SLC25A13: variants seen among roughly 807,000 people sequenced by gnomAD.
SLC25A13 encodes solute carrier family 25 member 13.
In SLC25A13, 70 loss-of-function variants were observed where a neutral mutation model predicts 85.5. That is an observed-to-expected ratio of 0.82 (90% CI 0.68 to 1.00). SLC25A13 has a LOEUF of 1.00. SLC25A13 is among the 50% of genes least tolerant of loss of function. SLC25A13 has a pLI of 0.00. For synonymous variants in SLC25A13, 259 were observed against 288.7 expected, an observed-to-expected ratio of 0.90 and a Z score of 1.04; for missense variants, 765 against 819.8, an observed-to-expected ratio of 0.93 and a Z score of 0.82.
intron 13 of SLC25A13, among the ~76,000 whole-genome samples, chr7:96,151,869 C>T (rs60155900): frequency 0.015 from 2,231 of 152,078 alleles, 55 homozygotes; most frequent in African/African-American, 0.051. Flanking sequence ...CACTTGATCC[C>T]GGGCAGCGGA....
intron 13 of SLC25A13, among the ~76,000 whole-genome samples, chr7:96,156,750 T>C (rs1315582881): frequency 6.6e-6 from 1 of 152,108 alleles, no homozygotes; most frequent in Non-Finnish European, 1.5e-5. Context: ...TTTCACCATG[T>C]TGGCCAGGCT....
At chr7:96,256,009 A>G (rs1305243492) in intron 3 of SLC25A13, among the ~76,000 whole-genome samples, 2 of 152,210 alleles carry the variant, frequency 1.3e-5, no homozygotes, top group African/African-American at 4.8e-5. Flanking sequence ...AAAATACTTT[A>G]CAGACAAGCA....
At chr7:96,221,316 C>T (rs1796120876) in intron 4 of SLC25A13, among the ~76,000 whole-genome samples, 1 of 152,188 alleles carries the variant, frequency 6.6e-6, no homozygotes, top group Non-Finnish European at 1.5e-5. Flanking sequence ...GAAATTCTTA[C>T]TCTCTATTTG....
At position 96,270,921 on chromosome 7, in the gene SLC25A13, C is replaced by G. The variant is rs574937223; in HGVS notation, c.212+6275G>C. ...CGGTTTATGGCTGCAACGCTCCAACCTCTACTTCTGTGGTCACCCCGTCTC... is the reference window on the plus strand; with the variant it reads ...CGGTTTATGGCTGCAACGCTCCAACGTCTACTTCTGTGGTCACCCCGTCTC... On this transcript the variant is annotated intron_variant, in intron 3 of 17. Coordinates refer to ENST00000265631, the MANE Select transcript of SLC25A13 (RefSeq NM_014251.3). Among the ~76,000 whole-genome samples, 26 of 152,266 alleles carry G rather than the reference C, an allele frequency of 1.7e-4. No individual in the cohort carries two copies. In the South Asian group the frequency reaches 5.4e-3, roughly 32 times the overall value.
chr7:96,309,847 G>GC (rs371048261), intron 1 of SLC25A13, among the ~76,000 whole-genome samples: 5 of 152,176 alleles, frequency 3.3e-5, no homozygotes, highest in African/African-American at 7.2e-5. Context: ...TCCAATCCCA[G>GC]CCCCTCGGAA....
At chr7:96,245,664 T>C (rs117074137) in intron 3 of SLC25A13, among the ~76,000 whole-genome samples, 1,772 of 152,026 alleles carry the variant, frequency 0.012, 16 homozygotes, top group Non-Finnish European at 0.019. Flanking sequence ...CATGGATATT[T>C]TGAGATCTAC....
intron 11 of SLC25A13, among the ~76,000 whole-genome samples, chr7:96,178,806 T>C (rs1429392615): frequency 3.9e-5 from 6 of 152,220 alleles, no homozygotes; most frequent in Non-Finnish European, 5.9e-5. Flanking sequence ...GTCTGTCTGC[T>C]TTTGACTCAG....
chr7:96,141,194 T>A (rs1297457474), intron 14 of SLC25A13, among the ~76,000 whole-genome samples: 3 of 152,016 alleles, frequency 2.0e-5, no homozygotes, highest in African/African-American at 4.8e-5. Flanking sequence ...CGCTAACTTA[T>A]ATTTATTTAT....
intron 4 of SLC25A13, among the ~76,000 whole-genome samples, chr7:96,211,346 A>G (rs188003739): frequency 3.5e-4 from 54 of 152,224 alleles, no homozygotes; most frequent in African/African-American, 1.3e-3. Flanking sequence ...TATCCCTAAG[A>G]TATCTCTCAG....
chr7:96,205,056 C>T (rs770442604), intron 5 of SLC25A13, among the ~76,000 whole-genome samples: 3 of 152,052 alleles, frequency 2.0e-5, no homozygotes, highest in Non-Finnish European at 2.9e-5. Context: ...TACAGGTGCA[C>T]GCCACTATGT....
intron 4 of SLC25A13, among the ~76,000 whole-genome samples, chr7:96,214,753 T>TA (rs956566649): frequency 1.3e-5 from 2 of 151,848 alleles, no homozygotes; most frequent in African/African-American, 2.4e-5. Flanking sequence ...TAATTAATTT[T>TA]AAAAAAACTC....
At chr7:96,228,596 C>T (rs1036020503) in intron 4 of SLC25A13, among the ~76,000 whole-genome samples, 12 of 152,222 alleles carry the variant, frequency 7.9e-5, no homozygotes, top group Non-Finnish European at 1.5e-4. Flanking sequence ...TCGGCCTCGG[C>T]GCCCACTCTG....
chr7:96,296,953 TATAA>T lies in SLC25A13; in HGVS notation c.16-6_16-3del. ...ATCTGCTCTCTTGGTTAAAGCCACC[TATAA>T]ATAAACATAAAAATGTTTATGTTAT... On this transcript the variant is annotated splice_polypyrimidine_tract_variant and splice_region_variant and intron_variant, in intron 1 of 17. Coordinates refer to ENST00000265631, the MANE Select transcript of SLC25A13 (RefSeq NM_014251.3). 1 of 1,612,050 alleles carries T rather than the reference TATAA, an allele frequency of 6.2e-7. No homozygotes were observed. The highest frequency in any genetic ancestry group is 8.5e-7 in the Non-Finnish European group (1 of 1,178,210).
At chr7:96,202,612 T>C (rs1281280452) in intron 5 of SLC25A13, among the ~76,000 whole-genome samples, 3 of 152,138 alleles carry the variant, frequency 2.0e-5, no homozygotes, top group African/African-American at 7.2e-5. Context: ...CAGAAGAAAT[T>C]TCCTGGCGAC....
chr7:96,263,045 A>AC (rs1797918533), intron 3 of SLC25A13, among the ~76,000 whole-genome samples: 1 of 145,282 alleles, frequency 6.9e-6, no homozygotes, highest in Non-Finnish European at 1.5e-5. Context: ...AAAAAAAAAA[A>AC]CAGCAGAGCT....
chr7:96,123,613 C>T (rs1303242259), intron 15 of SLC25A13, among the ~76,000 whole-genome samples: 1 of 152,146 alleles, frequency 6.6e-6, no homozygotes, highest in Non-Finnish European at 1.5e-5. Context: ...TAGAATATGG[C>T]AACTTGAACA....
chr7:96,291,867 C>T (rs1562909502), intron 2 of SLC25A13, among the ~76,000 whole-genome samples: 4 of 152,212 alleles, frequency 2.6e-5, no homozygotes. Flanking sequence ...GAGCTGCTAC[C>T]ATTCTTTCTG....
At chr7:96,148,805 G>A (rs1039651092) in intron 13 of SLC25A13, among the ~76,000 whole-genome samples, 1 of 152,212 alleles carries the variant, frequency 6.6e-6, no homozygotes, top group Non-Finnish European at 1.5e-5. Flanking sequence ...GCCAACAGCA[G>A]GGAAGGAGGC....
chr7:96,153,210 T>C (rs2116506950), intron 13 of SLC25A13, among the ~76,000 whole-genome samples: 1 of 152,348 alleles, frequency 6.6e-6, no homozygotes, highest in East Asian at 1.9e-4. Context: ...ATAGTTGTCC[T>C]TACTATTTAT....
Sources: gnomAD v4.1 joint callset for allele counts (sites outside exome capture counted in the v4.1 genomes callset) on GRCh38, gnomAD v4.1.1 for gene constraint, MANE v1.5 for transcripts, NCBI Gene and HGNC (gene_info 2026-07-23, HGNC 2026-07-21) for gene names.